The following ITPR1 variants were observed in gnomAD, a reference collection of about 807,000 sequenced individuals.
ITPR1 encodes the protein inositol 1,4,5-trisphosphate-gated calcium channel ITPR1.
A neutral mutation model predicts 318.4 loss-of-function variants in ITPR1; 96 were observed. The observed-to-expected ratio is 0.30, with a 90% CI of 0.26 to 0.36. The LOEUF is 0.36. ITPR1 is among the 10% of genes least tolerant of loss of function. The pLI is 1.00. For synonymous variants in ITPR1, 1,312 were observed against 1,289.9 expected, an observed-to-expected ratio of 1.02 and a Z score of -0.37; for missense variants, 2,440 against 3,460.2, an observed-to-expected ratio of 0.71 and a Z score of 7.40.
At chr3:4,731,008 T>A (rs4685806) in intron 42 of ITPR1, among the ~76,000 whole-genome samples, 23 of 152,074 alleles carry the variant, frequency 1.5e-4, no homozygotes, top group Non-Finnish European at 3.4e-4. Context: ...CAATCACTCC[T>A]GTTGCTGGAA....
intron 53 of ITPR1, among the ~76,000 whole-genome samples, chr3:4,798,946 C>A (rs777246434): frequency 6.6e-6 from 1 of 152,160 alleles, no homozygotes; most frequent in African/African-American, 2.4e-5. Context: ...GGCAAGGCAT[C>A]ACCTGCAAAG....
At chr3:4,575,962 G>A (rs2088604842) in intron 4 of ITPR1, among the ~76,000 whole-genome samples, 1 of 151,514 alleles carries the variant, frequency 6.6e-6, no homozygotes, top group African/African-American at 2.4e-5. Flanking sequence ...CGAGGCTGCA[G>A]TGAGCCATGG....
intron 4 of ITPR1, among the ~76,000 whole-genome samples, chr3:4,623,547 C>T (rs2092716062): frequency 6.6e-6 from 1 of 152,106 alleles, no homozygotes; most frequent in Non-Finnish European, 1.5e-5. Flanking sequence ...TCTCCTTCCC[C>T]CAAATAAATA....
chr3:4,521,588 G>C (rs1007119699), intron 4 of ITPR1, among the ~76,000 whole-genome samples: 2 of 152,130 alleles, frequency 1.3e-5, no homozygotes, highest in Non-Finnish European at 2.9e-5. Flanking sequence ...AGTGGCGCAT[G>C]CTTGTAATCT....
Position 4,683,797 on chromosome 3 carries a change from A to C in ITPR1, c.3497A>C (p.Glu1166Ala). The C allele has an allele frequency of 2.5e-6, 4 of 1,612,842 alleles. No individual in the cohort carries two copies. Among genetic ancestry groups the C allele is most frequent in the East Asian group, 2.2e-5 (1 of 44,848 alleles). ...GGAGAAAATGAACATAAGAAAACGG[A>C]GGTGAGTGAAACACAAGTTATGCTG... is the stretch of plus-strand genomic sequence containing the variant. Reference protein sequence around the residue: ...ASGENEHKKTEEGNNKPQKHE... With the variant: ...ASGENEHKKTAEGNNKPQKHE... The change falls in exon 28 of 62, where the codon GAG (glutamate) becomes GCG (alanine). Residue 1166 changes from glutamate to alanine, a missense_variant and splice_region_variant. Glu to Ala is a moderately radical substitution (Grantham distance 107, BLOSUM62 -1). Around this residue, in one of 23 missense-constraint regions of ITPR1, gnomAD observed 86 missense variants for 75.6 expected, o/e 1.14. Transcript: ENST00000649015.
intron 44 of ITPR1, among the ~76,000 whole-genome samples, chr3:4,755,405 T>A (rs1041396440): frequency 0.011 from 214 of 19,254 alleles, no homozygotes; most frequent in African/African-American, 0.016. Flanking sequence ...ATTAAAAACA[T>A]TTTTTTTTTT....
At chr3:4,582,033 T>A (rs1355131599) in intron 4 of ITPR1, among the ~76,000 whole-genome samples, 1 of 151,926 alleles carries the variant, frequency 6.6e-6, no homozygotes, top group East Asian at 1.9e-4. Context: ...CCTTTAAAAA[T>A]TTTAGCACAT....
At chr3:4,575,962 G>C (rs2088604842) in intron 4 of ITPR1, among the ~76,000 whole-genome samples, 1 of 151,514 alleles carries the variant, frequency 6.6e-6, no homozygotes, top group Non-Finnish European at 1.5e-5. Context: ...CGAGGCTGCA[G>C]TGAGCCATGG....
At chr3:4,659,915 C>T (rs929528754) in intron 13 of ITPR1, among the ~76,000 whole-genome samples, 5 of 151,988 alleles carry the variant, frequency 3.3e-5, no homozygotes, top group African/African-American at 1.2e-4. Flanking sequence ...ATTGAGATAT[C>T]AGATTGTTTA....
At chr3:4,748,722 C>T (rs2044285470) in intron 44 of ITPR1, among the ~76,000 whole-genome samples, 1 of 152,116 alleles carries the variant, frequency 6.6e-6, no homozygotes, top group Non-Finnish European at 1.5e-5. Flanking sequence ...GAGGAAGTAT[C>T]CCGTTTAATT....
At chr3:4,560,333 A>G (rs367925439) in intron 4 of ITPR1, among the ~76,000 whole-genome samples, 11 of 152,336 alleles carry the variant, frequency 7.2e-5, no homozygotes, top group African/African-American at 2.6e-4. Context: ...CTCAGGTCTC[A>G]GAATGTTGTG....
At chr3:4,769,936 T>C (rs1418620819) in intron 46 of ITPR1, among the ~76,000 whole-genome samples, 1 of 152,196 alleles carries the variant, frequency 6.6e-6, no homozygotes, top group African/African-American at 2.4e-5. Context: ...GAGCACTGGG[T>C]CCCTGGCTTT....
At chr3:4,752,445 G>A (rs550032238) in intron 44 of ITPR1, among the ~76,000 whole-genome samples, 7 of 152,152 alleles carry the variant, frequency 4.6e-5, no homozygotes, top group Non-Finnish European at 5.9e-5. Context: ...ACAGAGTTAC[G>A]TGCAAAAACC....
chr3:4,725,205 A>C (rs2042421505), intron 40 of ITPR1, among the ~76,000 whole-genome samples: 1 of 150,386 alleles, frequency 6.6e-6, no homozygotes, highest in African/African-American at 2.5e-5. Context: ...GTCTCGGTGG[A>C]CTGAGACAAG....
intron 40 of ITPR1, among the ~76,000 whole-genome samples, chr3:4,722,947 G>A (rs1001437208): frequency 2.2e-4 from 33 of 152,182 alleles, no homozygotes; most frequent in Non-Finnish European, 1.0e-4. Flanking sequence ...TCAGGAGTTC[G>A]AGATCAGCCA....
intron 50 of ITPR1, 137 bp downstream of exon 50, chr3:4,782,878 C>A: frequency 1.3e-6 from 1 of 779,296 alleles, no homozygotes; most frequent in Non-Finnish European, 1.8e-6. Flanking sequence ...CTGCGGCTCA[C>A]AGGTGCTCGT....
chr3:4,732,043 A>G (rs1406905614), intron 42 of ITPR1, among the ~76,000 whole-genome samples: 1 of 152,128 alleles, frequency 6.6e-6, no homozygotes, highest in Admixed American at 6.6e-5. Context: ...GATTCCGGAA[A>G]GGAGTCCAGG....
intron 44 of ITPR1, among the ~76,000 whole-genome samples, chr3:4,753,812 C>T (rs1427513161): frequency 2.0e-5 from 3 of 152,056 alleles, no homozygotes; most frequent in Non-Finnish European, 2.9e-5. Context: ...GACACCCTGC[C>T]GGTACTGTGC....
intron 42 of ITPR1, 21 bp downstream of exon 42, chr3:4,727,194 G>T (rs1273486319): frequency 6.4e-7 from 1 of 1,562,748 alleles, no homozygotes; most frequent in South Asian, 1.2e-5. Flanking sequence ...TTGAGTCTTG[G>T]GTATCGGGAG....
Sources: allele counts gnomAD v4.1 joint callset (sites outside exome capture counted in the v4.1 genomes callset), GRCh38; gene constraint gnomAD v4.1.1; regional missense constraint gnomAD v4.1.1; transcripts MANE v1.5; gene names NCBI Gene and HGNC (gene_info 2026-07-23, HGNC 2026-07-21).